TAFA5: variants seen among roughly 807,000 people sequenced by gnomAD.
The protein encoded by TAFA5 is chemokine-like protein TAFA-5.
TAFA5 carries 6 observed loss-of-function variants against 15.3 expected under a neutral mutation model. That is an observed-to-expected ratio of 0.39 (90% CI 0.21 to 0.77). The LOEUF (loss-of-function observed/expected upper bound fraction) is 0.77. Among genes scored for constraint, TAFA5 ranks in the 30% least tolerant of loss-of-function variants. The pLI is 0.41. For synonymous variants in TAFA5, 103 were observed against 80.7 expected (o/e 1.28, Z -1.48); for missense variants, 161 against 193.1 (o/e 0.83, Z 0.98).
At chr22:48,603,179 C>T (rs1472657808) in intron 1 of TAFA5, among the ~76,000 whole-genome samples, 4 of 152,236 alleles carry the variant, frequency 2.6e-5, no homozygotes, top group African/African-American at 7.2e-5. Context: ...AATGGGTGCC[C>T]GTGCATTCCT....
At chr22:48,523,551 A>G (rs550350454) in intron 1 of TAFA5, among the ~76,000 whole-genome samples, 4 of 152,198 alleles carry the variant, frequency 2.6e-5, no homozygotes, top group East Asian at 1.9e-4. Context: ...GCCTTCACCC[A>G]CACGGGGCTT....
chr22:48,612,318 C>A (rs904673348), intron 1 of TAFA5, among the ~76,000 whole-genome samples: 2 of 152,352 alleles, frequency 1.3e-5, no homozygotes, highest in South Asian at 2.1e-4. Flanking sequence ...GTAATCAAGG[C>A]GAGCCTGTGA....
At chr22:48,496,299 C>T (rs899511530) in intron 1 of TAFA5, among the ~76,000 whole-genome samples, 1 of 150,030 alleles carries the variant, frequency 6.7e-6, no homozygotes, top group African/African-American at 2.5e-5. Flanking sequence ...CTTTTGGTCA[C>T]GGCATCTGCT....
At chr22:48,641,877 C>T (rs1311264324) in intron 1 of TAFA5, among the ~76,000 whole-genome samples, 2 of 152,168 alleles carry the variant, frequency 1.3e-5, no homozygotes, top group Non-Finnish European at 2.9e-5. Flanking sequence ...GAATGTTTTT[C>T]CTTCTGGTCT....
chr22:48,554,719 G>T (rs1180806756), intron 1 of TAFA5, among the ~76,000 whole-genome samples: 2 of 152,158 alleles, frequency 1.3e-5, no homozygotes, highest in African/African-American at 4.8e-5. Context: ...AAATTTCCTG[G>T]GTGTCTGGAA....
chr22:48,744,860 A>G (rs130228), intron 3 of TAFA5, among the ~76,000 whole-genome samples: 49,488 of 151,908 alleles, frequency 0.33, 9,210 homozygotes, highest in Non-Finnish European at 0.43. Flanking sequence ...ACCAGGTTCA[A>G]GCGATTCTCC....
chr22:48,626,069 C>T (rs1406916848), intron 1 of TAFA5, among the ~76,000 whole-genome samples: 2 of 152,148 alleles, frequency 1.3e-5, no homozygotes, highest in Admixed American at 6.5e-5. Context: ...ATGAACGTGA[C>T]CACCTTTTGT....
chr22:48,681,057 C>T (rs909905303), intron 2 of TAFA5, among the ~76,000 whole-genome samples: 1 of 152,224 alleles, frequency 6.6e-6, no homozygotes, highest in Non-Finnish European at 1.5e-5. Flanking sequence ...CCCTACCTGT[C>T]AGATTCAGTG....
At chr22:48,601,890 C>T (rs569545970) in intron 1 of TAFA5, among the ~76,000 whole-genome samples, 1 of 152,350 alleles carries the variant, frequency 6.6e-6, no homozygotes, top group African/African-American at 2.4e-5. Flanking sequence ...CCTCGTTCCT[C>T]CACACAGTCG....
At chr22:48,698,877 C>T (rs1421824674) in intron 2 of TAFA5, among the ~76,000 whole-genome samples, 1 of 151,264 alleles carries the variant, frequency 6.6e-6, no homozygotes, top group Non-Finnish European at 1.5e-5. Context: ...AACTGTGCCT[C>T]CTGCTCTACT....
At chr22:48,665,189 G>A (rs192804904) in intron 2 of TAFA5, among the ~76,000 whole-genome samples, 46 of 152,262 alleles carry the variant, frequency 3.0e-4, no homozygotes, top group African/African-American at 9.1e-4. Context: ...CTCTACAGCC[G>A]TCTGGAGTGG....
At chr22:48,506,543 A>G (rs1247766751) in intron 1 of TAFA5, among the ~76,000 whole-genome samples, 1 of 151,910 alleles carries the variant, frequency 6.6e-6, no homozygotes, top group Non-Finnish European at 1.5e-5. Flanking sequence ...GGGCCTTTGG[A>G]GGATAGGAGC....
At chr22:48,655,211 C>T (rs1209665564) in intron 2 of TAFA5, among the ~76,000 whole-genome samples, 5 of 152,230 alleles carry the variant, frequency 3.3e-5, no homozygotes, top group Admixed American at 1.3e-4. Flanking sequence ...TGGAGCAAAC[C>T]GTGTCTGAAG....
intron 1 of TAFA5, among the ~76,000 whole-genome samples, chr22:48,595,279 A>G (rs1191058786): frequency 6.6e-6 from 1 of 152,136 alleles, no homozygotes; most frequent in Non-Finnish European, 1.5e-5. Flanking sequence ...TCCAACCTCA[A>G]ACTTCAGGGA....
intron 1 of TAFA5, among the ~76,000 whole-genome samples, chr22:48,620,935 C>T (rs1925798795): frequency 9.1e-5 from 7 of 77,204 alleles, no homozygotes; most frequent in African/African-American, 9.5e-5. Flanking sequence ...CATCCATCCC[C>T]CCACCCACCC....
intron 2 of TAFA5, among the ~76,000 whole-genome samples, chr22:48,663,333 G>A (rs1476580329): frequency 7.2e-6 from 1 of 138,918 alleles, no homozygotes; most frequent in African/African-American, 2.9e-5. Flanking sequence ...GGGGTTAAGT[G>A]GCCTGCATCT....
intron 1 of TAFA5, among the ~76,000 whole-genome samples, chr22:48,562,181 A>G (rs112200278): frequency 0.11 from 16,733 of 151,802 alleles, 1,595 homozygotes; most frequent in African/African-American, 0.25. Context: ...TCTGTCGCCC[A>G]GGTTGGAGTG....
intron 2 of TAFA5, among the ~76,000 whole-genome samples, chr22:48,705,456 G>C: frequency 6.6e-6 from 1 of 152,164 alleles, no homozygotes; most frequent in Non-Finnish European, 1.5e-5. Context: ...GAGGGCCCCT[G>C]ACCTCCCAGA....
chr22:48,679,165 G>C (rs111166638), intron 2 of TAFA5, among the ~76,000 whole-genome samples: 2 of 7,418 alleles, frequency 2.7e-4, no homozygotes, highest in African/African-American at 2.5e-3. Context: ...CTCCCGGCTC[G>C]GCGTCCATCC....
Sources: gnomAD v4.1 joint callset for allele counts (sites outside exome capture counted in the v4.1 genomes callset) on GRCh38, gnomAD v4.1.1 for gene constraint, MANE v1.5 for transcripts, NCBI Gene and HGNC (gene_info 2026-07-23, HGNC 2026-07-21) for gene names.